ZNF385B: variants seen among roughly 807,000 people sequenced by gnomAD.
ZNF385B encodes the protein zinc finger protein 385B, also known as zinc finger protein 533.
ZNF385B carries 23 observed loss-of-function variants against 39.2 expected under a neutral mutation model. That is an observed-to-expected ratio of 0.59 (90% CI 0.42 to 0.83). The LOEUF (loss-of-function observed/expected upper bound fraction) is 0.83, where lower values mean the gene tolerates loss of function less well. ZNF385B is among the 40% of genes least tolerant of loss of function. The pLI is 0.00. For missense variants in ZNF385B, 552 were observed against 598.9 expected, an observed-to-expected ratio of 0.92 and a Z score of 0.82; for synonymous variants, 205 against 222.6, an observed-to-expected ratio of 0.92 and a Z score of 0.70.
chr2:179,657,612 AC>A (rs1462324176), intron 3 of ZNF385B, among the ~76,000 whole-genome samples: 1 of 152,200 alleles, frequency 6.6e-6, no homozygotes, highest in Non-Finnish European at 1.5e-5. Context: ...CACTCATCTT[AC>A]TGGAACATTG....
rs544050141 is a variant in ZNF385B, at chr2:179,803,311, G to A, written c.-154-32639C>T. On this transcript the variant is annotated intron_variant, in intron 1 of 9. Transcript: ENST00000410066. ...ATGAACATTTCCACAGTAATGTTTC[G>A]TTATACTTAACAAAAAAACAGACAA... is the stretch of plus-strand genomic sequence containing the variant. Among the ~76,000 whole-genome samples the A allele has an allele frequency of 1.2e-4, 18 of 152,078 alleles. No homozygotes were observed. In the East Asian group the frequency reaches 1.4e-3, roughly 11 times the overall value.
intron 6 of ZNF385B, among the ~76,000 whole-genome samples, chr2:179,450,490 A>C (rs976810856): frequency 4.9e-4 from 75 of 152,216 alleles, no homozygotes; most frequent in Non-Finnish European, 8.2e-4. Context: ...CCAAAAGACA[A>C]ATGAAAAAAT....
At chr2:179,518,483 T>C in intron 5 of ZNF385B, 45 bp downstream of exon 5, 2 of 1,367,588 alleles carry the variant, frequency 1.5e-6, no homozygotes, top group South Asian at 2.5e-5. Flanking sequence ...AATCAGACTT[T>C]TAGCTCTGAC....
chr2:179,563,653 C>T (rs1201511417), intron 3 of ZNF385B, among the ~76,000 whole-genome samples: 1 of 152,086 alleles, frequency 6.6e-6, no homozygotes, highest in Non-Finnish European at 1.5e-5. Context: ...TTTTTCCAGT[C>T]TCAATCATCT....
At chr2:179,760,223 C>CGCGT (rs11282329) in intron 3 of ZNF385B, among the ~76,000 whole-genome samples, 7,577 of 144,490 alleles carry the variant, frequency 0.052, 217 homozygotes, top group Non-Finnish European at 0.075. Flanking sequence ...TTCCTGTGTG[C>CGCGT]GTGTGTGTGT....
At chr2:179,476,016 CAAAAAA>C (rs34327373) in intron 6 of ZNF385B, among the ~76,000 whole-genome samples, 4 of 57,036 alleles carry the variant, frequency 7.0e-5, no homozygotes, top group South Asian at 8.6e-4. Context: ...GCCTCTGTCT[CAAAAAA>C]AAAAAAAAAA....
At chr2:179,563,249 C>G (rs1684147794) in intron 3 of ZNF385B, among the ~76,000 whole-genome samples, 1 of 152,030 alleles carries the variant, frequency 6.6e-6, no homozygotes, top group Non-Finnish European at 1.5e-5. Flanking sequence ...TGGCATCTGA[C>G]CATGTTGTCA....
At chr2:179,590,398 C>T (rs913314949) in intron 3 of ZNF385B, among the ~76,000 whole-genome samples, 1 of 152,168 alleles carries the variant, frequency 6.6e-6, no homozygotes, top group Non-Finnish European at 1.5e-5. Flanking sequence ...CTACCTGCGC[C>T]ATTTTGCCTA....
intron 3 of ZNF385B, among the ~76,000 whole-genome samples, chr2:179,635,726 A>G (rs1414292379): frequency 2.0e-5 from 3 of 152,120 alleles, no homozygotes; most frequent in African/African-American, 7.2e-5. Flanking sequence ...TTATTCCTAC[A>G]TTTTTTGGTT....
At chr2:179,718,503 CATTAT>C (rs1213805622) in intron 3 of ZNF385B, among the ~76,000 whole-genome samples, 1 of 147,126 alleles carries the variant, frequency 6.8e-6, no homozygotes, top group Non-Finnish European at 1.5e-5. Context: ...TATATATAAT[CATTAT>C]ATATTATATA....
chr2:179,497,635 GGAAA>G (rs1020299143), intron 5 of ZNF385B, among the ~76,000 whole-genome samples: 1 of 150,462 alleles, frequency 6.6e-6, no homozygotes, highest in African/African-American at 2.4e-5. Context: ...AACACAAAAA[GGAAA>G]GAAAGAAGGA....
intron 3 of ZNF385B, among the ~76,000 whole-genome samples, chr2:179,613,934 A>G (rs6709244): frequency 0.19 from 28,204 of 152,006 alleles, 3,174 homozygotes; most frequent in South Asian, 0.29. Flanking sequence ...GCTGGTCTAA[A>G]CGCTCCCTCC....
intron 3 of ZNF385B, among the ~76,000 whole-genome samples, chr2:179,594,797 C>CTTTTTT (rs35322965): frequency 1.4e-5 from 2 of 145,398 alleles, no homozygotes; most frequent in African/African-American, 2.5e-5. Context: ...TAGGTAAACT[C>CTTTTTT]TTTTTTTTTT....
In ZNF385B at chr2:179,445,321, A is replaced by G. The variant is rs577490178; in HGVS notation, c.1140+229T>C. Among the ~76,000 whole-genome samples the G allele has an allele frequency of 2.6e-5, 4 of 152,250 alleles. No individual in the cohort carries two copies. The South Asian group carries it at 8.3e-4, about 32-fold the overall frequency. ...GTAGGCTCCAGTGACTACTGTTCCTATCTCTCCAACATCTAGCCTGGAACC... is the reference window on the plus strand; with the variant it reads ...GTAGGCTCCAGTGACTACTGTTCCTGTCTCTCCAACATCTAGCCTGGAACC... On this transcript the variant is annotated intron_variant, in intron 8 of 9. Coordinates refer to ENST00000410066, the MANE Select transcript of ZNF385B (RefSeq NM_152520.6).
intron 3 of ZNF385B, among the ~76,000 whole-genome samples, chr2:179,642,841 A>G (rs1692386887): frequency 6.6e-6 from 1 of 152,182 alleles, no homozygotes; most frequent in African/African-American, 2.4e-5. Context: ...ATTTCATTAA[A>G]TCTCAACCCT....
At chr2:179,450,851 A>C (rs927439618) in intron 6 of ZNF385B, among the ~76,000 whole-genome samples, 4 of 151,234 alleles carry the variant, frequency 2.6e-5, no homozygotes, top group African/African-American at 9.9e-5. Context: ...GAACCAACCT[A>C]AATGTCCAAC....
chr2:179,525,196 G>A (rs984012436), intron 4 of ZNF385B, among the ~76,000 whole-genome samples: 21 of 152,190 alleles, frequency 1.4e-4, no homozygotes, highest in African/African-American at 4.6e-4. Context: ...CTGCTAAAGG[G>A]TATGGGTTTG....
At chr2:179,642,663 A>G (rs956873737) in intron 3 of ZNF385B, among the ~76,000 whole-genome samples, 13 of 152,146 alleles carry the variant, frequency 8.5e-5, no homozygotes, top group Non-Finnish European at 1.3e-4. Context: ...ATTTGTGCTG[A>G]TCATACAAAA....
chr2:179,661,896 A>G (rs1207507179), intron 3 of ZNF385B, among the ~76,000 whole-genome samples: 1 of 152,224 alleles, frequency 6.6e-6, no homozygotes, highest in Non-Finnish European at 1.5e-5. Flanking sequence ...CTTTTGAGTC[A>G]TATACCATGT....
Sources: allele counts gnomAD v4.1 joint callset (sites outside exome capture counted in the v4.1 genomes callset), GRCh38; gene constraint gnomAD v4.1.1; transcripts MANE v1.5; gene names NCBI Gene and HGNC (gene_info 2026-07-23, HGNC 2026-07-21).